Variants in HSF2BP observed in about 807,000 individuals in gnomAD.
The protein encoded by HSF2BP is heat shock factor 2-binding protein.
Under a neutral mutation model 35.0 loss-of-function variants are expected in HSF2BP, and 35 were observed. The ratio of observed to expected loss-of-function variants is 1.00; its 90% confidence interval spans 0.76 to 1.32. The LOEUF (loss-of-function observed/expected upper bound fraction) is 1.32. Among genes scored for constraint, HSF2BP ranks in the 40% most tolerant of loss-of-function variants. HSF2BP has a pLI of 0.00. For missense variants in HSF2BP, 326 were observed against 321.7 expected, an observed-to-expected ratio of 1.01 and a Z score of -0.10; for synonymous variants, 114 against 117.4, an observed-to-expected ratio of 0.97 and a Z score of 0.18.
At chr21:43,592,644 C>G (rs910778814) in intron 7 of HSF2BP, among the ~76,000 whole-genome samples, 4 of 152,188 alleles carry the variant, frequency 2.6e-5, no homozygotes, top group South Asian at 2.1e-4. Context: ...CCTGCATTAA[C>G]ATACAGGTTA....
rs746922599 is a variant in HSF2BP, at chr21:43,613,936, T to C, written c.586A>G (p.Ile196Val). ...ACCAAGAATTCACGACCACATGCTA[T>C]AGCAGCAACATCTGCAACAGAAAAT... ...LAGIVTNVAA[I>V]ACGREFLVNS... is the part of the protein sequence containing the mutation. Residue 196 changes from isoleucine (I) to valine (V), a missense_variant, in exon 7 of 9, where the codon ATA becomes GTA. Coordinates refer to ENST00000291560, the MANE Select transcript of HSF2BP (RefSeq NM_007031.2). 25 of 1,608,382 alleles carry C rather than the reference T, an allele frequency of 1.6e-5. No homozygotes were observed. Among genetic ancestry groups the C allele is most frequent in the Non-Finnish European group, 2.1e-5 (25 of 1,177,512 alleles).
chr21:43,601,674 T>C (rs2082054160), intron 7 of HSF2BP, among the ~76,000 whole-genome samples: 1 of 152,158 alleles, frequency 6.6e-6, no homozygotes, highest in Non-Finnish European at 1.5e-5. Context: ...AAGCACATTG[T>C]AGCTGAAAGC....
At chr21:43,658,782 C>G (rs978876926) in intron 1 of HSF2BP, among the ~76,000 whole-genome samples, 9 of 152,258 alleles carry the variant, frequency 5.9e-5, no homozygotes, top group African/African-American at 2.2e-4. Flanking sequence ...CGCCCTTGCA[C>G]TGGCACCAGG....
chr21:43,582,240 G>A (rs1187170425), intron 8 of HSF2BP, among the ~76,000 whole-genome samples: 7 of 138,814 alleles, frequency 5.0e-5, no homozygotes, highest in East Asian at 4.4e-4. Flanking sequence ...GGGGATGAGG[G>A]CCTGCTGAGG....
chr21:43,658,226 AT>A lies in HSF2BP; in HGVS notation c.-131del. ...AGCCGCCAGGCCCAAACCTCCCAGA[AT>A]TTGCGCAGTATTCTCGGCCTAGAGA... On this transcript the variant is annotated 5_prime_UTR_variant, in exon 2 of 9. Transcript: ENST00000291560. The A allele has an allele frequency of 9.2e-7, 1 of 1,089,518 alleles. No homozygotes were observed. Among genetic ancestry groups the A allele is most frequent in the Non-Finnish European group, 1.3e-6 (1 of 790,952 alleles). The allele number at this position is 1,089,518 out of a possible 1,614,324, so 67.5% of individuals were successfully genotyped here. A position where few individuals can be genotyped will look rare whatever the true frequency, so the allele number is the denominator to read the frequency against.
At chr21:43,623,402 T>C (rs1042879623) in intron 6 of HSF2BP, among the ~76,000 whole-genome samples, 9 of 151,416 alleles carry the variant, frequency 5.9e-5, no homozygotes, top group African/African-American at 1.9e-4. Flanking sequence ...ACCAAGGAAA[T>C]AGAAAAGAAC....
chr21:43,648,411 C>T (rs1024980175), intron 3 of HSF2BP, among the ~76,000 whole-genome samples: 43 of 152,190 alleles, frequency 2.8e-4, no homozygotes, highest in African/African-American at 9.4e-4. Context: ...TCTGGAGCAA[C>T]GCCTCTCGCC....
At chr21:43,614,399 GC>G (rs1046061105) in intron 6 of HSF2BP, among the ~76,000 whole-genome samples, 1 of 151,426 alleles carries the variant, frequency 6.6e-6, no homozygotes, top group Non-Finnish European at 1.5e-5. Flanking sequence ...AAAAATGACA[GC>G]TCAGAAAGAA....
At position 43,658,265 on chromosome 21, in the gene HSF2BP, C is replaced by G; in HGVS notation, c.-169G>C. The G allele has an allele frequency of 1.4e-6, 1 of 740,718 alleles. No homozygotes were observed. Among genetic ancestry groups the G allele is most frequent in the Non-Finnish European group, 2.1e-6 (1 of 478,056 alleles). 45.9% of individuals were successfully genotyped at this position (740,718 alleles called of 1,614,324 possible). On this transcript the variant is annotated 5_prime_UTR_variant, in exon 2 of 9. Coordinates refer to ENST00000291560, the MANE Select transcript of HSF2BP (RefSeq NM_007031.2). ...CTCGGCCTAGAGAGCGAGGAGTGGC[C>G]TTGGCGAGGTCCCTCTTTGGCTCTT...
At chr21:43,601,871 T>C (rs1250402121) in intron 7 of HSF2BP, among the ~76,000 whole-genome samples, 2 of 152,222 alleles carry the variant, frequency 1.3e-5, no homozygotes, top group Non-Finnish European at 2.9e-5. Context: ...TGTCTTAAAA[T>C]TATCTTACAA....
chr21:43,605,434 CACAT>C (rs1386217310), intron 7 of HSF2BP, among the ~76,000 whole-genome samples: 1 of 147,628 alleles, frequency 6.8e-6, no homozygotes, highest in Non-Finnish European at 1.5e-5. Context: ...CCAACACACA[CACAT>C]ACACACACCC....
rs548217281 is a variant in HSF2BP at position 43,588,135 on chromosome 21, C to T, written c.796+4090G>A. 4.6e-5 allele frequency among the ~76,000 whole-genome samples: 7 copies of T among 152,216 alleles called. No individual in the cohort carries two copies. In the East Asian group the frequency reaches 1.4e-3, roughly 29 times the overall value. ...GCTCACGCCTGTAATCCCGGCACTC[C>T]GAGAGGCCGAGGCGGGTGGATCACC... On this transcript the variant is annotated intron_variant, in intron 8 of 8. Coordinates refer to ENST00000291560, the MANE Select transcript of HSF2BP (RefSeq NM_007031.2).
intron 3 of HSF2BP, among the ~76,000 whole-genome samples, chr21:43,647,928 CAAAAAAAAAA>C (rs774339620): frequency 1.3e-5 from 1 of 76,804 alleles, no homozygotes; most frequent in Non-Finnish European, 2.9e-5. Context: ...GACTTCATCT[CAAAAAAAAAA>C]AAAAAAAAAA....
At chr21:43,589,307 C>G (rs2081896762) in intron 8 of HSF2BP, among the ~76,000 whole-genome samples, 1 of 152,164 alleles carries the variant, frequency 6.6e-6, no homozygotes, top group South Asian at 2.1e-4. Flanking sequence ...GAGGTCAGTT[C>G]CTCTGCTCTT....
chr21:43,658,103 T>G lies in HSF2BP; in HGVS notation c.-7A>C. The G allele has an allele frequency of 6.5e-7, 1 of 1,534,038 alleles. No individual in the cohort carries two copies. Reference sequence around the variant, plus strand: ...CGGCGCCCGCTTCGCCCATGGCCGCTGCCGCCTCCGCTCCGTTCGCCTGAG... The same window carrying G: ...CGGCGCCCGCTTCGCCCATGGCCGCGGCCGCCTCCGCTCCGTTCGCCTGAG... On this transcript the variant is annotated 5_prime_UTR_variant, in exon 2 of 9. Transcript: ENST00000291560.
intron 8 of HSF2BP, among the ~76,000 whole-genome samples, chr21:43,590,113 T>G (rs1255446387): frequency 6.6e-6 from 1 of 152,210 alleles, no homozygotes; most frequent in Non-Finnish European, 1.5e-5. Flanking sequence ...GAAAAAATAT[T>G]TTTCCAACAC....
At chr21:43,578,719 A>G (rs2081679277) in intron 8 of HSF2BP, among the ~76,000 whole-genome samples, 1 of 152,198 alleles carries the variant, frequency 6.6e-6, no homozygotes, top group Admixed American at 6.5e-5. Flanking sequence ...ACAGCCCCAC[A>G]GAATGTAAGC....
At chr21:43,505,850 T>A in the HSF2BP span, among the ~76,000 whole-genome samples, 1 of 130,776 alleles carries the variant, frequency 7.6e-6, no homozygotes, top group Non-Finnish European at 1.7e-5. Context: ...GCCAGTCACA[T>A]ATGTATGTTT....
chr21:43,632,669 C>G (rs1236344325), intron 5 of HSF2BP, among the ~76,000 whole-genome samples: 1 of 152,172 alleles, frequency 6.6e-6, no homozygotes, highest in Non-Finnish European at 1.5e-5. Context: ...CTTCCTCCTC[C>G]TCTTCAGCCT....
Sources: gnomAD v4.1 joint callset for allele counts (sites outside exome capture counted in the v4.1 genomes callset) on GRCh38, gnomAD v4.1.1 for gene constraint, MANE v1.5 for transcripts, NCBI Gene and HGNC (gene_info 2026-07-23, HGNC 2026-07-21) for gene names.